BNC2: variants seen among roughly 807,000 people sequenced by gnomAD.
The protein encoded by BNC2 is basonuclin zinc finger protein 2.
Under a neutral mutation model 76.3 loss-of-function variants are expected in BNC2, and 20 were observed. That is an observed-to-expected ratio of 0.26 (90% confidence interval 0.18 to 0.38). The LOEUF (loss-of-function observed/expected upper bound fraction) is 0.38. Ranked by LOEUF, BNC2 falls within the 10% of genes least tolerant of loss-of-function variation. BNC2 has a pLI of 1.00. For missense variants in BNC2, 1,382 were observed against 1,399.8 expected, an observed-to-expected ratio of 0.99 and a Z score of 0.20; for synonymous variants, 582 against 514.8, an observed-to-expected ratio of 1.13 and a Z score of -1.77.
intron 1 of BNC2, chr9:16,775,816 A>G (rs568580650): frequency 1.9e-5 from 3 of 156,218 alleles, no homozygotes; most frequent in Non-Finnish European, 2.9e-5. Flanking sequence ...TTTTTTGTCA[A>G]TGTCCTCAAT....
chr9:16,661,589 G>T lies in BNC2; in HGVS notation c.330+66208C>A, dbSNP rs143681515. On this transcript the variant is annotated intron_variant, in intron 3 of 6. Coordinates refer to ENST00000380672, the MANE Select transcript of BNC2 (RefSeq NM_017637.6). Reference sequence around the variant, plus strand: ...GCACTCAGGGATTCCCTCCATCAGAGTTCCAATATATTAATATTTCTATTG... The same window carrying T: ...GCACTCAGGGATTCCCTCCATCAGATTTCCAATATATTAATATTTCTATTG... Among the ~76,000 whole-genome samples the T allele has an allele frequency of 3.1e-4, 47 of 152,200 alleles. 1 individual carries two copies. In the East Asian group the frequency reaches 9.1e-3, roughly 29 times the overall value.
chr9:16,475,582 G>A (rs1821910993), intron 5 of BNC2, among the ~76,000 whole-genome samples: 1 of 152,182 alleles, frequency 6.6e-6, no homozygotes, highest in Admixed American at 6.5e-5. Context: ...ATTAAAAGCT[G>A]CTGTGATTCT....
intron 5 of BNC2, among the ~76,000 whole-genome samples, chr9:16,500,317 A>G (rs974347090): frequency 4.6e-5 from 7 of 152,132 alleles, no homozygotes; most frequent in South Asian, 2.1e-4. Flanking sequence ...TGAACATCCA[A>G]TTCATTTGAC....
At chr9:16,801,207 AAAT>A (rs944278358) in intron 1 of BNC2, among the ~76,000 whole-genome samples, 2 of 152,090 alleles carry the variant, frequency 1.3e-5, no homozygotes, top group East Asian at 3.9e-4. Context: ...ACTTTAGCAA[AAAT>A]AATAATGATA....
chr9:16,462,646 G>C (rs75061570), intron 5 of BNC2, among the ~76,000 whole-genome samples: 1,718 of 152,274 alleles, frequency 0.011, 32 homozygotes, highest in African/African-American at 0.039. Context: ...GTTTCTTCCA[G>C]CTACATCATA....
chr9:16,751,642 G>A (rs77681065), intron 1 of BNC2, among the ~76,000 whole-genome samples: 106 of 4,326 alleles, frequency 0.025, 3 homozygotes, highest in African/African-American at 0.034. Context: ...ATGTATATAT[G>A]TATGTGTGTA....
At chr9:16,615,871 G>C (rs1199824484) in intron 3 of BNC2, among the ~76,000 whole-genome samples, 1 of 152,078 alleles carries the variant, frequency 6.6e-6, no homozygotes. Context: ...AGCATGATTG[G>C]TACTATTATA....
chr9:16,739,505 C>A (rs1824779426), intron 1 of BNC2, among the ~76,000 whole-genome samples: 1 of 152,154 alleles, frequency 6.6e-6, no homozygotes, highest in Non-Finnish European at 1.5e-5. Flanking sequence ...CCCGTCTCTA[C>A]TAAAAATACA....
chr9:16,539,971 A>G (rs1190468079), intron 5 of BNC2, among the ~76,000 whole-genome samples: 1 of 152,058 alleles, frequency 6.6e-6, no homozygotes, highest in Non-Finnish European at 1.5e-5. Flanking sequence ...ATCAAATTAT[A>G]TATCTTAAAT....
intron 1 of BNC2, among the ~76,000 whole-genome samples, chr9:16,792,906 A>T (rs575828038): frequency 6.6e-6 from 1 of 152,348 alleles, no homozygotes; most frequent in South Asian, 2.1e-4. Context: ...AAGCAAAGGG[A>T]TTAGTTAACT....
chr9:16,645,961 C>T (rs1474573253), intron 3 of BNC2, among the ~76,000 whole-genome samples: 2 of 152,136 alleles, frequency 1.3e-5, no homozygotes, highest in Non-Finnish European at 2.9e-5. Context: ...CGAAAATACA[C>T]ATCAGGAGAC....
At chr9:16,650,091 T>C (rs1821750317) in intron 3 of BNC2, among the ~76,000 whole-genome samples, 1 of 152,046 alleles carries the variant, frequency 6.6e-6, no homozygotes, top group East Asian at 1.9e-4. Flanking sequence ...AAAGCAAAAA[T>C]GGAGATAAAT....
chr9:16,637,412 C>T (rs1821360175), intron 3 of BNC2, among the ~76,000 whole-genome samples: 1 of 152,182 alleles, frequency 6.6e-6, no homozygotes, highest in South Asian at 2.1e-4. Flanking sequence ...GTTCACCCAA[C>T]ATCAAAGCCA....
At chr9:16,496,945 C>CCT (rs1339257028) in intron 5 of BNC2, among the ~76,000 whole-genome samples, 1 of 152,244 alleles carries the variant, frequency 6.6e-6, no homozygotes, top group Non-Finnish European at 1.5e-5. Flanking sequence ...ACATCAGCAG[C>CCT]CTCTCCGCAG....
At chr9:16,524,028 C>A (rs1020526559) in intron 5 of BNC2, among the ~76,000 whole-genome samples, 1 of 152,152 alleles carries the variant, frequency 6.6e-6, no homozygotes. Context: ...AACAAAACAC[C>A]ACCATATGAG....
intron 1 of BNC2, among the ~76,000 whole-genome samples, chr9:16,801,783 T>C (rs1418112960): frequency 2.0e-5 from 3 of 151,102 alleles, no homozygotes; most frequent in African/African-American, 4.9e-5. Flanking sequence ...CTCTCAACTG[T>C]AAGTTAATTA....
chr9:16,503,579 T>A (rs1356967972), intron 5 of BNC2, among the ~76,000 whole-genome samples: 4 of 152,222 alleles, frequency 2.6e-5, no homozygotes, highest in South Asian at 4.1e-4. Context: ...CATATGGTGA[T>A]AGGACAAATT....
chr9:16,640,171 A>G lies in BNC2; in HGVS notation c.331-57086T>C, dbSNP rs561750472. On this transcript the variant is annotated intron_variant, in intron 3 of 6. Coordinates refer to ENST00000380672, the MANE Select transcript of BNC2 (RefSeq NM_017637.6). ...TGCCAAGTCACATTTCAGGTTAAGA[A>G]AATTAAGCAAAAGAAGAAAACAAAG... 2.0e-5 allele frequency among the ~76,000 whole-genome samples: 3 copies of G among 152,320 alleles called. No homozygotes were observed. In the South Asian group the frequency reaches 6.2e-4, roughly 32 times the overall value.
In BNC2 at chr9:16,843,725, C is replaced by T. The variant is rs201212048; in HGVS notation, c.3+26921G>A. 5.3e-5 allele frequency among the ~76,000 whole-genome samples: 8 copies of T among 152,116 alleles called. No individual in the cohort carries two copies. In the East Asian group the frequency reaches 1.5e-3, roughly 29 times the overall value. Reference sequence around the variant, plus strand: ...TGTTTCTGAGCTACTTTAGGTTTACCATGTAAGACTACAAATGTGTGTGGA... The same window carrying T: ...TGTTTCTGAGCTACTTTAGGTTTACTATGTAAGACTACAAATGTGTGTGGA... On this transcript the variant is annotated intron_variant, in intron 1 of 6. Transcript: ENST00000380672.
Sources: allele counts gnomAD v4.1 joint callset (sites outside exome capture counted in the v4.1 genomes callset), GRCh38; gene constraint gnomAD v4.1.1; transcripts MANE v1.5; gene names NCBI Gene and HGNC (gene_info 2026-07-23, HGNC 2026-07-21).